The following POTEE variants were observed in gnomAD, a reference collection of about 807,000 sequenced individuals.
POTEE encodes the protein ANKRD26-like family C member 1A.
Under a neutral mutation model 74.2 loss-of-function variants are expected in POTEE, and 21 were observed. That is an observed-to-expected ratio of 0.28 (90% CI 0.20 to 0.41). POTEE has a LOEUF of 0.41. Among genes scored for constraint, POTEE ranks in the 10% least tolerant of loss-of-function variants. POTEE has a pLI of 1.00. For missense variants in POTEE, 525 were observed against 1,158.6 expected (o/e 0.45, Z 7.94); for synonymous variants, 211 against 432.8 (o/e 0.49, Z 6.36).
chr2:131,211,174 G>C lies in POTEE; in HGVS notation c.-198G>C, dbSNP rs934424451. On this transcript the variant is annotated 5_prime_UTR_variant, in exon 2 of 18. Transcript: ENST00000683005. ...ATGGCAGCCACGGAGACTGCAGCTC[G>C]ACAGGAGTGGTAGGAGGGTGCCCGC... Among the ~76,000 whole-genome samples, 1 of 151,704 alleles carries C rather than the reference G, an allele frequency of 6.6e-6. No homozygotes were observed. Among genetic ancestry groups the C allele is most frequent in the African/African-American group, 2.4e-5 (1 of 41,030 alleles).
intron 8 of POTEE, 82 bp from the exon 9 acceptor site, chr2:131,230,753 AC>A: frequency 6.7e-7 from 1 of 1,499,708 alleles, no homozygotes; most frequent in Non-Finnish European, 9.0e-7. Context: ...TGTTTGAAAT[AC>A]TCTTAATAAT....
intron 16 of POTEE, among the ~76,000 whole-genome samples, chr2:131,260,462 C>A (rs1208188846): frequency 1.6e-5 from 2 of 123,060 alleles, no homozygotes; most frequent in African/African-American, 3.2e-5. Context: ...GATGTATTTT[C>A]ATTTGTTTGT....
chr2:131,222,090 A>T (rs1265928060), intron 4 of POTEE, among the ~76,000 whole-genome samples: 1 of 152,258 alleles, frequency 6.6e-6, no homozygotes, highest in African/African-American at 2.4e-5. Flanking sequence ...AAACAGAAGC[A>T]TTTCTGAAGG....
intron 17 of POTEE, among the ~76,000 whole-genome samples, chr2:131,262,778 T>G (rs1205580532): frequency 4.6e-5 from 7 of 152,294 alleles, no homozygotes; most frequent in African/African-American, 7.2e-5. Flanking sequence ...AGTGCTTAGA[T>G]TTGACAGTTA....
chr2:131,264,025 A>G lies in POTEE; in HGVS notation c.2570A>G (p.Asp857Gly). ...ACTGGCATCGTGATGGACTCTGGTG[A>G]CGGGGTCACCCACACTGTGCCCATC... Reference protein sequence around the residue: ...RTTGIVMDSGDGVTHTVPIYE... With the variant: ...RTTGIVMDSGGGVTHTVPIYE... Residue 857 changes from aspartate to glycine, a missense_variant, in exon 18 of 18, where the codon GAC becomes GGC. By Grantham distance (94) the Asp-to-Gly change is moderately conservative (BLOSUM62 -1). Transcript: ENST00000683005. The G allele has an allele frequency of 1.2e-6, 2 of 1,614,180 alleles. No homozygotes were observed. Among genetic ancestry groups the G allele is most frequent in the Non-Finnish European group, 1.7e-6 (2 of 1,180,038 alleles).
At position 131,263,887 on chromosome 2, in the gene POTEE, A is replaced by C; in HGVS notation, c.2432A>C (p.Asn811Thr). ...HPILLTEAPLNPKANREKMTQ... is the reference protein window; with the variant it reads ...HPILLTEAPLTPKANREKMTQ... The stretch of plus-strand genomic sequence containing the variant: ...ATCCTGCTGACCGAGGCCCCCCTGA[A>C]CCCCAAGGCCAACCGCGAGAAGATG... Residue 811 changes from asparagine to threonine, a missense_variant, in exon 18 of 18, where the codon AAC (asparagine) becomes ACC (threonine). Coordinates refer to ENST00000683005, the MANE Select transcript of POTEE (RefSeq NM_001083538.3). 6.2e-7 allele frequency: 1 copy of C among 1,613,998 alleles called. No individual in the cohort carries two copies. Among genetic ancestry groups the C allele is most frequent in the South Asian group, 1.1e-5 (1 of 91,062 alleles).
chr2:131,230,677 G>C (rs1463375140), intron 8 of POTEE, among the ~76,000 whole-genome samples, 159 bp from the exon 9 acceptor site: 1 of 152,102 alleles, frequency 6.6e-6, no homozygotes, highest in Non-Finnish European at 1.5e-5. Flanking sequence ...GAAGCTTAAA[G>C]AGAAGTTTGT....
intron 10 of POTEE, among the ~76,000 whole-genome samples, chr2:131,237,676 TG>T (rs1254843646): frequency 6.6e-6 from 1 of 151,914 alleles, no homozygotes; most frequent in Non-Finnish European, 1.5e-5. Flanking sequence ...TCTTTCTGTT[TG>T]GTGTTGATTT....
At chr2:131,224,921 G>T (rs927321264) in intron 6 of POTEE, among the ~76,000 whole-genome samples, 2 of 152,076 alleles carry the variant, frequency 1.3e-5, no homozygotes, top group African/African-American at 4.8e-5. Context: ...TGGATGGGAA[G>T]GGGGAAGATA....
intron 8 of POTEE, chr2:131,229,549 T>C (rs563843474): frequency 1.3e-5 from 2 of 152,332 alleles, no homozygotes; most frequent in South Asian, 4.1e-4. Flanking sequence ...TAGTTGGACT[T>C]CACAGAGCCA....
chr2:131,220,197 T>A (rs1008120828), intron 4 of POTEE, among the ~76,000 whole-genome samples: 15 of 151,344 alleles, frequency 9.9e-5, no homozygotes, highest in African/African-American at 3.7e-4. Flanking sequence ...TATATGCAGA[T>A]ATATATTTAT....
intron 10 of POTEE, among the ~76,000 whole-genome samples, chr2:131,237,294 A>G (rs1362029166): frequency 6.6e-6 from 1 of 151,844 alleles, no homozygotes; most frequent in African/African-American, 2.4e-5. Flanking sequence ...AATCATGGCC[A>G]GTGATTGAAA....
intron 7 of POTEE, among the ~76,000 whole-genome samples, chr2:131,227,993 A>G (rs1040985901): frequency 6.7e-6 from 1 of 150,360 alleles, no homozygotes; most frequent in Non-Finnish European, 1.5e-5. Flanking sequence ...TTTCTTGCCC[A>G]TCAAAGGACT....
At chr2:131,243,468 A>G (rs1211816455) in intron 12 of POTEE, among the ~76,000 whole-genome samples, 4 of 150,506 alleles carry the variant, frequency 2.7e-5, no homozygotes, top group South Asian at 4.3e-4. Context: ...TTTCACTACC[A>G]TATCTTCACT....
intron 1 of POTEE, among the ~76,000 whole-genome samples, chr2:131,210,665 G>A (rs1273647494): frequency 3.3e-5 from 5 of 151,106 alleles, no homozygotes; most frequent in Admixed American, 1.3e-4. Flanking sequence ...TGGGACTACC[G>A]GGTGGGGATT....
At chr2:131,214,147 A>T (rs1436606280) in intron 2 of POTEE, among the ~76,000 whole-genome samples, 1 of 152,184 alleles carries the variant, frequency 6.6e-6, no homozygotes, top group Non-Finnish European at 1.5e-5. Flanking sequence ...ACCCCATTTT[A>T]GGAGAAACCT....
chr2:131,217,847 T>G (rs1214962799), intron 3 of POTEE, among the ~76,000 whole-genome samples, 164 bp downstream of exon 3: 1 of 150,092 alleles, frequency 6.7e-6, no homozygotes, highest in Non-Finnish European at 1.5e-5. Context: ...CGCACGCGCA[T>G]AACGGTTTGG....
chr2:131,224,302 AC>A (rs1479075160), intron 6 of POTEE, among the ~76,000 whole-genome samples: 1 of 149,512 alleles, frequency 6.7e-6, no homozygotes, highest in Non-Finnish European at 1.5e-5. Flanking sequence ...GATAATACTT[AC>A]TATTTTTCAA....
chr2:131,220,466 A>G (rs930973245), intron 4 of POTEE, among the ~76,000 whole-genome samples: 7 of 151,648 alleles, frequency 4.6e-5, no homozygotes, highest in African/African-American at 1.7e-4. Flanking sequence ...GGCTTCCCCA[A>G]GTGCTGGGGT....
Sources: gnomAD v4.1 joint callset for allele counts (sites outside exome capture counted in the v4.1 genomes callset) on GRCh38, gnomAD v4.1.1 for gene constraint, MANE v1.5 for transcripts, NCBI Gene and HGNC (gene_info 2026-07-23, HGNC 2026-07-21) for gene names.